CALN1: variants seen among roughly 807,000 people sequenced by gnomAD.
CALN1 encodes the protein calcium-binding protein 8.
Under a neutral mutation model 30.6 loss-of-function variants are expected in CALN1, and 17 were observed. The observed-to-expected ratio is 0.56, with a 90% CI of 0.38 to 0.83. The LOEUF (loss-of-function observed/expected upper bound fraction) is 0.83. Among genes scored for constraint, CALN1 ranks in the 40% least tolerant of loss-of-function variants. The probability of loss-of-function intolerance (pLI) is 0.00; values close to 1 mark genes in which losing one functional copy is unlikely to be tolerated. For synonymous variants in CALN1, 156 were observed against 131.4 expected (o/e 1.19, Z -1.28); for missense variants, 291 against 354.9 (o/e 0.82, Z 1.45).
At position 72,069,149 on chromosome 7, in the gene CALN1, G is replaced by A. The variant is rs75212010; in HGVS notation, c.388+37002C>T. Among the ~76,000 whole-genome samples the A allele has an allele frequency of 3.3e-4, 50 of 152,294 alleles. No homozygotes were observed. The East Asian group carries it at 3.9e-3, about 12-fold the overall frequency. Reference sequence around the variant, plus strand: ...GTGACACTGCAAAGTGGCTGGAGACGTCCGTGCGGAATCGCAGACTTCAGG... The same window carrying A: ...GTGACACTGCAAAGTGGCTGGAGACATCCGTGCGGAATCGCAGACTTCAGG... On this transcript the variant is annotated intron_variant, in intron 4 of 6. Transcript: ENST00000395275.
At chr7:72,225,744 C>T (rs1793626017) in intron 3 of CALN1, among the ~76,000 whole-genome samples, 1 of 152,046 alleles carries the variant, frequency 6.6e-6, no homozygotes, top group Non-Finnish European at 1.5e-5. Context: ...GAGCTCCTAG[C>T]GAGTACCCAC....
At chr7:71,846,880 T>C (rs1175148599) in intron 5 of CALN1, among the ~76,000 whole-genome samples, 7 of 146,756 alleles carry the variant, frequency 4.8e-5, no homozygotes, top group Non-Finnish European at 7.5e-5. Flanking sequence ...ATATAATATA[T>C]ACACACATAT....
intron 5 of CALN1, among the ~76,000 whole-genome samples, chr7:71,854,324 CA>C (rs1007489237): frequency 6.6e-6 from 1 of 150,876 alleles, no homozygotes; most frequent in Non-Finnish European, 1.5e-5. Context: ...GGTGACAGAG[CA>C]AGACTCCCTC....
At chr7:71,922,197 C>T (rs2129517922) in intron 5 of CALN1, among the ~76,000 whole-genome samples, 1 of 152,246 alleles carries the variant, frequency 6.6e-6, no homozygotes, top group African/African-American at 2.4e-5. Flanking sequence ...AAAATGGATT[C>T]TCTTTTAATT....
chr7:71,843,834 T>C (rs1790083256), intron 5 of CALN1, among the ~76,000 whole-genome samples: 1 of 152,210 alleles, frequency 6.6e-6, no homozygotes, highest in Non-Finnish European at 1.5e-5. Context: ...TCCTCCCCTG[T>C]GTCCTCTTTC....
At chr7:72,353,462 T>C (rs1299881837) in intron 2 of CALN1, among the ~76,000 whole-genome samples, 2 of 152,164 alleles carry the variant, frequency 1.3e-5, no homozygotes, top group Non-Finnish European at 2.9e-5. Flanking sequence ...TTATCCTATT[T>C]ATAGAAGAAA....
intron 5 of CALN1, among the ~76,000 whole-genome samples, chr7:71,919,828 A>G (rs1298618987): frequency 6.6e-6 from 1 of 152,178 alleles, no homozygotes; most frequent in East Asian, 1.9e-4. Flanking sequence ...GTCCGCGAGG[A>G]CCTAGTTGAA....
intron 3 of CALN1, among the ~76,000 whole-genome samples, chr7:72,126,824 G>A: frequency 6.6e-6 from 1 of 151,846 alleles, no homozygotes; most frequent in Non-Finnish European, 1.5e-5. Context: ...GGGAGGGGTT[G>A]AGGGATGAAA....
At chr7:71,939,527 C>G (rs144046995) in intron 5 of CALN1, among the ~76,000 whole-genome samples, 1 of 150,002 alleles carries the variant, frequency 6.7e-6, no homozygotes, top group Non-Finnish European at 1.5e-5. Flanking sequence ...AAGCCAAGAT[C>G]GTGCCATTGC....
intron 3 of CALN1, 25 bp downstream of exon 3, chr7:72,278,661 C>T: frequency 1.3e-6 from 2 of 1,595,690 alleles, no homozygotes; most frequent in Non-Finnish European, 1.7e-6. Context: ...GGGGGCCATC[C>T]CCCCAAACAG....
intron 2 of CALN1, among the ~76,000 whole-genome samples, chr7:72,317,330 C>T (rs1238002336): frequency 6.6e-6 from 1 of 152,028 alleles, no homozygotes; most frequent in Non-Finnish European, 1.5e-5. Flanking sequence ...AATGAGAAAG[C>T]AAAAATGAGA....
At chr7:71,936,054 GTTC>G in intron 5 of CALN1, among the ~76,000 whole-genome samples, 1 of 152,232 alleles carries the variant, frequency 6.6e-6, no homozygotes, top group Admixed American at 6.5e-5. Flanking sequence ...TACCCTGGAA[GTTC>G]TTCTCTGCAT....
In CALN1 at chr7:72,130,787, T is replaced by C. The variant is rs548083381; in HGVS notation, c.245-24493A>G. On this transcript the variant is annotated intron_variant, in intron 3 of 6. Transcript: ENST00000395275. Reference sequence around the variant, plus strand: ...AATTTGTGATTGTAAAAGTACACACTAAATCATTAACAGTGGTTATTGCTG... The same window carrying C: ...AATTTGTGATTGTAAAAGTACACACCAAATCATTAACAGTGGTTATTGCTG... 9.8e-5 allele frequency among the ~76,000 whole-genome samples: 15 copies of C among 152,324 alleles called. 1 individual carries two copies. The South Asian group carries it at 3.1e-3, about 32-fold the overall frequency.
At position 71,847,737 on chromosome 7, in the gene CALN1, AAGAAAG is replaced by A. The variant is rs1437904848; in HGVS notation, c.502-37251_502-37246del. Among the ~76,000 whole-genome samples, 175 of 123,740 alleles carry A rather than the reference AAGAAAG, an allele frequency of 1.4e-3. 1 individual carries two copies. Among genetic ancestry groups the A allele is most frequent in the African/African-American group, 4.8e-3 (168 of 34,866 alleles). The allele number at this position is 123,740 out of a possible 152,430, so 81.2% of individuals were successfully genotyped here. ...GAAGAAAGAAGAAGAAAGAAGAAAG[AAGAAAG>A]AAGAAGAAAGAAGAAAGAAGAAGAA... is the stretch of plus-strand genomic sequence containing the variant. On this transcript the variant is annotated intron_variant, in intron 5 of 6. Coordinates refer to ENST00000395275, the MANE Select transcript of CALN1 (RefSeq NM_031468.4).
chr7:72,094,653 A>C (rs142151314), intron 4 of CALN1, among the ~76,000 whole-genome samples: 34 of 152,320 alleles, frequency 2.2e-4, no homozygotes, highest in African/African-American at 7.9e-4. Flanking sequence ...GTCAGTGTTA[A>C]TAAGATGGAG....
the CALN1 span, among the ~76,000 whole-genome samples, chr7:72,470,997 C>T: frequency 6.6e-6 from 1 of 152,070 alleles, no homozygotes; most frequent in East Asian, 1.9e-4. Context: ...GCTCTGTGGC[C>T]CAGGCTGGAG....
intron 5 of CALN1, among the ~76,000 whole-genome samples, chr7:72,018,328 C>A (rs956747571): frequency 1.7e-4 from 26 of 152,214 alleles, no homozygotes; most frequent in African/African-American, 6.3e-4. Flanking sequence ...AAGCCTACCC[C>A]CCAGTCCTGA....
intron 1 of CALN1, among the ~76,000 whole-genome samples, chr7:72,404,788 A>C (rs187627936): frequency 2.2e-4 from 34 of 152,336 alleles, no homozygotes; most frequent in Non-Finnish European, 3.4e-4. Flanking sequence ...AGAAGGCTTG[A>C]AGAGCTGTAT....
chr7:72,441,650 C>T (rs1259609833), intron 1 of CALN1, among the ~76,000 whole-genome samples: 1 of 150,406 alleles, frequency 6.6e-6, no homozygotes, highest in Non-Finnish European at 1.5e-5. Context: ...AAGTCTTGGT[C>T]CCAGGAGAGA....
Sources: allele counts gnomAD v4.1 joint callset (sites outside exome capture counted in the v4.1 genomes callset), GRCh38; gene constraint gnomAD v4.1.1; transcripts MANE v1.5; gene names NCBI Gene and HGNC (gene_info 2026-07-23, HGNC 2026-07-21).